The following WSCD2 variants were observed in gnomAD, a reference collection of about 807,000 sequenced individuals.
WSCD2 encodes the protein WSC domain sialate O sulfotransferase 2.
WSCD2 carries 28 observed loss-of-function variants against 55.7 expected under a neutral mutation model. The observed-to-expected ratio is 0.50, with a 90% confidence interval of 0.37 to 0.69. The LOEUF is 0.69. WSCD2 is among the 30% of genes least tolerant of loss of function. WSCD2 has a pLI of 0.00. For synonymous variants in WSCD2, 301 were observed against 301.9 expected (o/e 1.00, Z 0.03); for missense variants, 616 against 762.1 (o/e 0.81, Z 2.26).
chr12:108,230,029 TG>T (rs750895715), intron 6 of WSCD2, among the ~76,000 whole-genome samples: 1 of 152,244 alleles, frequency 6.6e-6, no homozygotes, highest in Non-Finnish European at 1.5e-5. Flanking sequence ...TCCTAATTTT[TG>T]GTGCATTTCC....
At chr12:108,230,791 T>C (rs1888660672) in intron 6 of WSCD2, among the ~76,000 whole-genome samples, 1 of 152,188 alleles carries the variant, frequency 6.6e-6, no homozygotes, top group Non-Finnish European at 1.5e-5. Context: ...AGCTTGTCTC[T>C]TGAATTGAGC....
Position 108,129,892 on chromosome 12 carries a change from G to C in WSCD2, c.-586G>C, listed in dbSNP as rs1324003967. The C allele has an allele frequency of 1.3e-5, 2 of 152,314 alleles. No individual in the cohort carries two copies. Among genetic ancestry groups the C allele is most frequent in the Non-Finnish European group, 2.9e-5 (2 of 68,098 alleles). The allele number at this position is 152,314 out of a possible 1,614,324, so 9.4% of individuals were successfully genotyped here. On this transcript the variant is annotated 5_prime_UTR_variant, in exon 1 of 9. Coordinates refer to ENST00000547525, the MANE Select transcript of WSCD2 (RefSeq NM_014653.4). ...GGACCCCGGGCGCCTGCTGAGCTCA[G>C]CTGGCAGAGTTTGCAAGTGGCGGAG... is the stretch of plus-strand genomic sequence containing the variant.
chr12:108,173,476 G>A (rs985993030), intron 1 of WSCD2, among the ~76,000 whole-genome samples: 4 of 151,774 alleles, frequency 2.6e-5, no homozygotes, highest in Non-Finnish European at 4.4e-5. Context: ...ATGGCCAGGA[G>A]GCCCCCCCAC....
At chr12:108,202,155 G>A (rs1374341426) in intron 2 of WSCD2, among the ~76,000 whole-genome samples, 2 of 148,120 alleles carry the variant, frequency 1.4e-5, no homozygotes, top group Non-Finnish European at 2.9e-5. Flanking sequence ...GAGCTCAGAA[G>A]GGTGAAACAA....
intron 1 of WSCD2, among the ~76,000 whole-genome samples, chr12:108,190,558 A>G (rs560735965): frequency 3.5e-4 from 54 of 152,158 alleles, no homozygotes; most frequent in Non-Finnish European, 6.3e-4. Flanking sequence ...CAGGGGAGGT[A>G]AGGAACCACA....
intron 1 of WSCD2, among the ~76,000 whole-genome samples, chr12:108,162,210 A>G (rs1224677074): frequency 1.3e-5 from 2 of 152,148 alleles, no homozygotes; most frequent in Non-Finnish European, 2.9e-5. Context: ...CCTGAAGACA[A>G]CGTTGGCCAC....
chr12:108,229,432 T>C (rs369067611), intron 6 of WSCD2, among the ~76,000 whole-genome samples: 198 of 152,252 alleles, frequency 1.3e-3, no homozygotes, highest in African/African-American at 4.5e-3. Context: ...AGTGTAGGGA[T>C]GCAAACCCAG....
At chr12:108,152,892 C>T (rs934386150) in intron 1 of WSCD2, among the ~76,000 whole-genome samples, 6 of 152,138 alleles carry the variant, frequency 3.9e-5, no homozygotes, top group Non-Finnish European at 1.5e-5. Flanking sequence ...CACCTGAGGT[C>T]GGGAGTTCAA....
intron 2 of WSCD2, among the ~76,000 whole-genome samples, chr12:108,198,362 C>T (rs929613203): frequency 6.6e-5 from 10 of 152,212 alleles, no homozygotes; most frequent in African/African-American, 2.2e-4. Context: ...TCTACTCTTC[C>T]TCCAAGTCTC....
At chr12:108,175,828 T>TTTTTC (rs369324023) in intron 1 of WSCD2, among the ~76,000 whole-genome samples, 9 of 152,118 alleles carry the variant, frequency 5.9e-5, no homozygotes, top group Admixed American at 2.0e-4. Flanking sequence ...TTACATGGCA[T>TTTTTC]TTTTCTTTTC....
intron 1 of WSCD2, among the ~76,000 whole-genome samples, chr12:108,187,804 CTG>C (rs1226062802): frequency 6.6e-6 from 1 of 152,096 alleles, no homozygotes; most frequent in African/African-American, 2.4e-5. Flanking sequence ...AGGCCCCTTG[CTG>C]AAGATCACAC....
Position 108,165,403 on chromosome 12 carries a change from G to GT in WSCD2, c.-551-29871dup, listed in dbSNP as rs199961701. On this transcript the variant is annotated intron_variant, in intron 1 of 8. Transcript: ENST00000547525. ...GGGACTCTAATTTTTTGTTGTTGGT[G>GT]TTTTTTTTGGTACAGACAGGGTCTT... Among the ~76,000 whole-genome samples, 561 of 152,022 alleles carry GT rather than the reference G, an allele frequency of 3.7e-3. 1 individual carries two copies. The highest frequency in any genetic ancestry group is 7.9e-3 in the African/African-American group (329 of 41,472).
chr12:108,184,597 C>T (rs1016212704), intron 1 of WSCD2, among the ~76,000 whole-genome samples: 1 of 152,152 alleles, frequency 6.6e-6, no homozygotes, highest in Admixed American at 6.5e-5. Flanking sequence ...CAGCTCAGCC[C>T]TGGCCTGGCT....
At chr12:108,155,511 G>A (rs1056771728) in intron 1 of WSCD2, among the ~76,000 whole-genome samples, 1 of 152,176 alleles carries the variant, frequency 6.6e-6, no homozygotes, top group African/African-American at 2.4e-5. Context: ...AGTCCCAAGA[G>A]GTCAACACTG....
At chr12:108,232,662 C>T (rs760015710) in intron 6 of WSCD2, 69 bp from the exon 7 acceptor site, 123 of 1,476,456 alleles carry the variant, frequency 8.3e-5, no homozygotes, top group Non-Finnish European at 1.1e-4. Context: ...GTGACTCATA[C>T]CCTGGCCCTT....
intron 1 of WSCD2, among the ~76,000 whole-genome samples, chr12:108,152,522 A>G (rs1878113125): frequency 6.6e-6 from 1 of 152,058 alleles, no homozygotes. Flanking sequence ...GTGCATTTTC[A>G]GGGTGAGCCA....
At chr12:108,230,330 C>A (rs185074719) in intron 6 of WSCD2, among the ~76,000 whole-genome samples, 734 of 152,298 alleles carry the variant, frequency 4.8e-3, no homozygotes, top group Non-Finnish European at 7.1e-3. Context: ...TAAATCTGAT[C>A]ATCTCAGAAC....
chr12:108,157,754 C>G (rs1191177016), intron 1 of WSCD2, among the ~76,000 whole-genome samples: 1 of 152,178 alleles, frequency 6.6e-6, no homozygotes, highest in Non-Finnish European at 1.5e-5. Context: ...ATCTTGCAAG[C>G]AGCCTCCTCT....
At chr12:108,239,592 G>A (rs944277967) in intron 7 of WSCD2, among the ~76,000 whole-genome samples, 2 of 152,184 alleles carry the variant, frequency 1.3e-5, no homozygotes, top group Non-Finnish European at 2.9e-5. Context: ...CATTCTATGG[G>A]CCACAGGAAG....
Sources: allele counts gnomAD v4.1 joint callset (sites outside exome capture counted in the v4.1 genomes callset), GRCh38; gene constraint gnomAD v4.1.1; transcripts MANE v1.5; gene names NCBI Gene and HGNC (gene_info 2026-07-23, HGNC 2026-07-21).